Variants in SMAD1 observed in about 807,000 individuals in gnomAD.
SMAD1 encodes the protein MAD, mothers against decapentaplegic homolog 1.
In SMAD1, 6 loss-of-function variants were observed where a neutral mutation model predicts 41.6. That is an observed-to-expected ratio of 0.14 (90% CI 0.08 to 0.28). SMAD1 has a LOEUF of 0.28. Among genes scored for constraint, SMAD1 ranks in the 10% least tolerant of loss-of-function variants. The pLI is 1.00. For synonymous variants in SMAD1, 206 were observed against 203.2 expected (o/e 1.01, Z -0.12); for missense variants, 379 against 582.6 (o/e 0.65, Z 3.60).
chr4:145,504,939 A>C (rs1347688052), intron 1 of SMAD1, among the ~76,000 whole-genome samples: 1 of 152,230 alleles, frequency 6.6e-6, no homozygotes, highest in African/African-American at 2.4e-5. Context: ...TAAATTGCTG[A>C]AATAATATGG....
intron 1 of SMAD1, among the ~76,000 whole-genome samples, chr4:145,492,182 T>C (rs866373188): frequency 1.8e-4 from 28 of 152,170 alleles, no homozygotes; most frequent in Admixed American, 1.4e-3. Context: ...TGTGGGTTTT[T>C]CGCTACACAC....
At chr4:145,542,145 GCC>G (rs1292278438) in intron 3 of SMAD1, among the ~76,000 whole-genome samples, 193 of 152,328 alleles carry the variant, frequency 1.3e-3, no homozygotes, top group African/African-American at 4.3e-3. Context: ...TTTTCTAAAA[GCC>G]CATAGATTTA....
At chr4:145,507,384 C>T (rs544568592) in intron 1 of SMAD1, among the ~76,000 whole-genome samples, 37 of 151,980 alleles carry the variant, frequency 2.4e-4, no homozygotes, top group South Asian at 2.1e-4. Flanking sequence ...TTATGTTCTG[C>T]GTACAGTTTT....
intron 1 of SMAD1, among the ~76,000 whole-genome samples, chr4:145,504,698 A>C (rs1252262159): frequency 6.6e-6 from 1 of 152,192 alleles, no homozygotes; most frequent in Admixed American, 6.5e-5. Flanking sequence ...TCCACATTTA[A>C]GTAATAGTTA....
At chr4:145,494,171 AG>A (rs1404026649) in intron 1 of SMAD1, among the ~76,000 whole-genome samples, 2 of 152,160 alleles carry the variant, frequency 1.3e-5, no homozygotes, top group Non-Finnish European at 2.9e-5. Context: ...CATGTTGGCC[AG>A]GCTGGTCTCG....
intron 3 of SMAD1, among the ~76,000 whole-genome samples, chr4:145,540,760 A>G (rs1731883172): frequency 1.3e-5 from 2 of 151,994 alleles, no homozygotes; most frequent in African/African-American, 4.8e-5. Flanking sequence ...AAGAGTGCCA[A>G]ATTTCTTGCC....
Position 145,542,564 on chromosome 4 carries a change from T to G in SMAD1, c.659-18T>G, listed in dbSNP as rs547468048. 105 of 1,511,936 alleles carry G rather than the reference T, an allele frequency of 6.9e-5. 1 individual carries two copies. The South Asian group carries it at 1.2e-3, about 17-fold the overall frequency. 93.7% of individuals were successfully genotyped at this position (1,511,936 alleles called of 1,614,324 possible). A position where few individuals can be genotyped will look rare whatever the true frequency, so the allele number is the denominator to read the frequency against. On this transcript the variant is annotated intron_variant, in intron 3 of 6. Coordinates refer to ENST00000302085, the MANE Select transcript of SMAD1 (RefSeq NM_005900.3). Reference sequence around the variant, plus strand: ...GTTTACTAAGGGTTAAGAAATAACTTCTTTAAAAACTTTGTAGCTGATACG... The same window carrying G: ...GTTTACTAAGGGTTAAGAAATAACTGCTTTAAAAACTTTGTAGCTGATACG...
At chr4:145,521,049 G>A (rs925903652) in intron 2 of SMAD1, among the ~76,000 whole-genome samples, 2 of 152,352 alleles carry the variant, frequency 1.3e-5, no homozygotes, top group East Asian at 3.9e-4. Flanking sequence ...TTCTGCAAAT[G>A]TGTGAATACT....
At chr4:145,497,011 C>T (rs1036418215) in intron 1 of SMAD1, 7 of 152,026 alleles carry the variant, frequency 4.6e-5, no homozygotes, top group African/African-American at 1.5e-4. Flanking sequence ...TATAGTTAAC[C>T]GTCATCCATT....
intron 1 of SMAD1, among the ~76,000 whole-genome samples, chr4:145,486,792 A>G (rs984199499): frequency 6.6e-6 from 1 of 152,204 alleles, no homozygotes; most frequent in Admixed American, 6.5e-5. Flanking sequence ...TCTGAAGTCC[A>G]GAGAAGGTAA....
rs1183744733 is a variant in SMAD1 at position 145,557,646 on chromosome 4, GT to G, written c.1255-138del. On this transcript the variant is annotated intron_variant, in intron 6 of 6. Transcript: ENST00000302085. ...ATTATGCGTGCGTTTGTGCATGTGT[GT>G]TTTTTTCTCCCCAGGGGCGGGGGGG... 1.2e-4 allele frequency: 65 copies of G among 555,072 alleles called. No homozygotes were observed. The East Asian group carries it at 1.4e-3, about 12-fold the overall frequency. The allele number at this position is 555,072 out of a possible 1,614,324, so 34.4% of individuals were successfully genotyped here.
intron 3 of SMAD1, 71 bp downstream of exon 3, chr4:145,540,132 G>T: frequency 6.4e-7 from 1 of 1,569,082 alleles, no homozygotes; most frequent in Non-Finnish European, 8.7e-7. Flanking sequence ...CGGAAAAGCT[G>T]GGTCAACCTG....
Position 145,493,448 on chromosome 4 carries a change from G to T in SMAD1, c.-177+11410G>T, listed in dbSNP as rs147401860. 4.6e-3 allele frequency among the ~76,000 whole-genome samples: 707 copies of T among 152,198 alleles called. 1 individual carries two copies. The highest frequency in any genetic ancestry group is 0.016 in the African/African-American group (677 of 41,528). ...CTTTATTTTTCATGTGTTTATGTTT[G>T]TGTGCTCAGGGCTTCTATTTAGTTT... On this transcript the variant is annotated intron_variant, in intron 1 of 6. Coordinates refer to ENST00000302085, the MANE Select transcript of SMAD1 (RefSeq NM_005900.3).
intron 2 of SMAD1, among the ~76,000 whole-genome samples, chr4:145,530,388 A>G (rs1731258325): frequency 2.0e-5 from 3 of 152,340 alleles, no homozygotes; most frequent in Admixed American, 6.5e-5. Context: ...TTGAAGCAGG[A>G]ATCTGAACTA....
At chr4:145,512,899 G>A (rs1489872150) in intron 1 of SMAD1, among the ~76,000 whole-genome samples, 2 of 152,180 alleles carry the variant, frequency 1.3e-5, no homozygotes, top group Non-Finnish European at 1.5e-5. Flanking sequence ...CTAGACCAAG[G>A]CTAGGATTAA....
intron 2 of SMAD1, among the ~76,000 whole-genome samples, chr4:145,532,072 T>C (rs1241849724): frequency 6.6e-6 from 1 of 152,208 alleles, no homozygotes; most frequent in African/African-American, 2.4e-5. Flanking sequence ...TTTCCAGAGC[T>C]CAGCCCCTCT....
At chr4:145,549,458 GAC>G (rs143938643) in intron 5 of SMAD1, among the ~76,000 whole-genome samples, 1,621 of 152,296 alleles carry the variant, frequency 0.011, 25 homozygotes, top group African/African-American at 0.036. Context: ...CATACAGACA[GAC>G]ACACACATGC....
chr4:145,532,281 G>A (rs1489916510), intron 2 of SMAD1, among the ~76,000 whole-genome samples: 1 of 152,200 alleles, frequency 6.6e-6, no homozygotes, highest in Non-Finnish European at 1.5e-5. Context: ...TAACGTCACT[G>A]AGAAAAGGCA....
chr4:145,534,695 A>C (rs1239450420), intron 2 of SMAD1, among the ~76,000 whole-genome samples: 1 of 152,204 alleles, frequency 6.6e-6, no homozygotes, highest in Non-Finnish European at 1.5e-5. Flanking sequence ...GTTGGGGTTA[A>C]CTGGCTAACC....
Sources: gnomAD v4.1 joint callset for allele counts (sites outside exome capture counted in the v4.1 genomes callset) on GRCh38, gnomAD v4.1.1 for gene constraint, MANE v1.5 for transcripts, NCBI Gene and HGNC (gene_info 2026-07-23, HGNC 2026-07-21) for gene names.